FBXO34: variants seen among roughly 807,000 people sequenced by gnomAD.
FBXO34 encodes F-box only protein 34.
A neutral mutation model predicts 24.5 loss-of-function variants in FBXO34; 12 were observed. That is an observed-to-expected ratio of 0.49 (90% CI 0.31 to 0.79). The LOEUF is 0.79. Ranked by LOEUF, FBXO34 falls within the 30% of genes least tolerant of loss-of-function variation. The probability of loss-of-function intolerance (pLI) is 0.04; values close to 1 mark genes in which losing one functional copy is unlikely to be tolerated. For synonymous variants in FBXO34, 320 were observed against 311.9 expected (o/e 1.03, Z -0.27); for missense variants, 823 against 857.7 (o/e 0.96, Z 0.51).
At chr14:55,414,054 C>T in the FBXO34 span, 10 of 551,318 alleles carry the variant, frequency 1.8e-5, no homozygotes, top group Admixed American at 1.3e-4. Flanking sequence ...CCTTTGTGTT[C>T]GTCATTTTGG....
At position 55,351,847 on chromosome 14, in the gene FBXO34, C is replaced by T. The variant is rs751535249; in HGVS notation, c.1457C>T (p.Pro486Leu). The T allele has an allele frequency of 9.9e-6, 16 of 1,613,772 alleles. No individual in the cohort carries two copies. The highest frequency in any genetic ancestry group is 2.2e-5 in the East Asian group (1 of 44,898). ...DPVPGMLFFL[P>L]PGQHLSDYSQ... Reference sequence around the variant, plus strand: ...GTTCCAGGGATGTTGTTTTTTTTGCCACCTGGTCAGCACTTGTCAGACTAT... The same window carrying T: ...GTTCCAGGGATGTTGTTTTTTTTGCTACCTGGTCAGCACTTGTCAGACTAT... The change falls in exon 2 of 2, where the codon CCA (proline) becomes CTA (leucine). Residue 486 changes from proline to leucine, a missense_variant. By Grantham distance (98) the Pro-to-Leu change is moderately conservative. Transcript: ENST00000313833.
At chr14:55,319,177 A>G (rs1227007368) in intron 1 of FBXO34, among the ~76,000 whole-genome samples, 1 of 152,214 alleles carries the variant, frequency 6.6e-6, no homozygotes, top group Non-Finnish European at 1.5e-5. Context: ...AGGAATGCAC[A>G]TATTTACACT....
the FBXO34 span, among the ~76,000 whole-genome samples, chr14:55,386,496 G>A: frequency 6.6e-6 from 1 of 152,206 alleles, no homozygotes; most frequent in Non-Finnish European, 1.5e-5. Flanking sequence ...CTTCTTAGGT[G>A]TGCCTTGGGC....
intron 1 of FBXO34, among the ~76,000 whole-genome samples, chr14:55,316,564 CAAAA>C (rs35008153): frequency 2.5e-5 from 3 of 118,168 alleles, no homozygotes; most frequent in East Asian, 2.4e-4. Flanking sequence ...CTGTCTCTAC[CAAAA>C]AAAAAAAAAA....
At chr14:55,417,979 G>A in the FBXO34 span, among the ~76,000 whole-genome samples, 1 of 152,134 alleles carries the variant, frequency 6.6e-6, no homozygotes, top group African/African-American at 2.4e-5. Flanking sequence ...TGTAAAATAA[G>A]GACAATAAAC....
the FBXO34 span, among the ~76,000 whole-genome samples, chr14:55,380,410 T>C: frequency 3.3e-5 from 5 of 152,184 alleles, no homozygotes. Flanking sequence ...ATGAAACGAA[T>C]CTGCACATAA....
At chr14:55,327,908 G>GTTTTTTTTTTTTTTT (rs386381425) in intron 1 of FBXO34, among the ~76,000 whole-genome samples, 2 of 48,728 alleles carry the variant, frequency 4.1e-5, no homozygotes, top group Non-Finnish European at 7.0e-5. Flanking sequence ...GTTGTTGTTG[G>GTTTTTTTTTTTTTTT]TTTTTTTTTT....
the FBXO34 span, among the ~76,000 whole-genome samples, chr14:55,378,300 G>A: frequency 2.0e-5 from 3 of 152,050 alleles, no homozygotes; most frequent in Non-Finnish European, 4.4e-5. Flanking sequence ...GCAATTCCAC[G>A]TCAGGACATT....
rs541966227 is a variant in FBXO34 at position 55,338,926 on chromosome 14, A to C, written c.-10-11455A>C. On this transcript the variant is annotated intron_variant, in intron 1 of 1. Transcript: ENST00000313833. The stretch of plus-strand genomic sequence containing the variant: ...ATCTCAAAAACAAAAAAAAACAAAA[A>C]AAAAAAAGCCAAAAAAAACCCCCCA... Among the ~76,000 whole-genome samples the C allele has an allele frequency of 4.7e-3, 342 of 73,326 alleles. 1 individual carries two copies. Among genetic ancestry groups the C allele is most frequent in the African/African-American group, 5.3e-3 (128 of 24,152 alleles). The allele number at this position is 73,326 out of a possible 152,430, so 48.1% of individuals were successfully genotyped here. A position where few individuals can be genotyped will look rare whatever the true frequency, so the allele number is the denominator to read the frequency against.
At chr14:55,349,900 C>T (rs1234970060) in intron 1 of FBXO34, among the ~76,000 whole-genome samples, 3 of 151,928 alleles carry the variant, frequency 2.0e-5, no homozygotes, top group Non-Finnish European at 4.4e-5. Context: ...AGTCACCATG[C>T]CCGGCCAGGA....
chr14:55,289,372 A>G (rs2075614920), intron 1 of FBXO34, among the ~76,000 whole-genome samples: 1 of 152,162 alleles, frequency 6.6e-6, no homozygotes, highest in Non-Finnish European at 1.5e-5. Flanking sequence ...TTTTTGAATA[A>G]TATGTTCACA....
At chr14:55,402,951 ATATATATATATATAT>A in the FBXO34 span, among the ~76,000 whole-genome samples, 2 of 79,460 alleles carry the variant, frequency 2.5e-5, no homozygotes, top group Non-Finnish European at 5.3e-5. Context: ...ATATATATAT[ATATATATATATATAT>A]ATAAATAGCT....
chr14:55,347,642 A>T (rs1884202228), intron 1 of FBXO34, among the ~76,000 whole-genome samples: 2 of 152,142 alleles, frequency 1.3e-5, no homozygotes, highest in African/African-American at 4.8e-5. Flanking sequence ...GTTCCCTGGG[A>T]TCACCTCCTA....
chr14:55,335,702 AT>A (rs1883751967), intron 1 of FBXO34, among the ~76,000 whole-genome samples: 1 of 152,200 alleles, frequency 6.6e-6, no homozygotes, highest in Admixed American at 6.5e-5. Flanking sequence ...CATTTGTATA[AT>A]TGATCATTTA....
the FBXO34 span, among the ~76,000 whole-genome samples, chr14:55,421,860 T>G: frequency 1.3e-5 from 2 of 152,110 alleles, no homozygotes; most frequent in Non-Finnish European, 2.9e-5. Flanking sequence ...ACATGTCATT[T>G]TGCTGGATGC....
chr14:55,347,125 CT>C (rs1242447045), intron 1 of FBXO34, among the ~76,000 whole-genome samples: 1 of 152,140 alleles, frequency 6.6e-6, no homozygotes, highest in Non-Finnish European at 1.5e-5. Context: ...TGCTATAAAC[CT>C]GCATTTTACT....
At chr14:55,287,844 T>G (rs79196946) in intron 1 of FBXO34, among the ~76,000 whole-genome samples, 8,841 of 152,306 alleles carry the variant, frequency 0.058, 327 homozygotes, top group South Asian at 0.089. Context: ...TGCATGCTGC[T>G]CTGGTTCTCT....
downstream of FBXO34, among the ~76,000 whole-genome samples, chr14:55,370,507 A>G (rs1160713236): frequency 6.6e-6 from 1 of 152,178 alleles, no homozygotes; most frequent in African/African-American, 2.4e-5. Context: ...TTCAGGAGAA[A>G]ACAATTTTTA....
intron 1 of FBXO34, among the ~76,000 whole-genome samples, chr14:55,281,481 A>G (rs972434317): frequency 5.3e-5 from 8 of 152,178 alleles, no homozygotes; most frequent in Non-Finnish European, 8.8e-5. Flanking sequence ...CAAAAATTCC[A>G]GCGGGATGAT....
Sources: gnomAD v4.1 joint callset for allele counts (sites outside exome capture counted in the v4.1 genomes callset) on GRCh38, gnomAD v4.1.1 for gene constraint, MANE v1.5 for transcripts, NCBI Gene and HGNC (gene_info 2026-07-23, HGNC 2026-07-21) for gene names.